Variants in WWOX observed in about 807,000 individuals in gnomAD.
The protein encoded by WWOX is WW domain-containing oxidoreductase.
Under a neutral mutation model 46.2 loss-of-function variants are expected in WWOX, and 69 were observed. The ratio of observed to expected loss-of-function variants is 1.49; its 90% CI spans 1.23 to 1.82. The LOEUF is 1.82. Among genes scored for constraint, WWOX ranks in the 40% most tolerant of loss-of-function variants. WWOX has a pLI of 0.00. For synonymous variants in WWOX, 359 were observed against 202.6 expected, an observed-to-expected ratio of 1.77 and a Z score of -6.56; for missense variants, 919 against 542.6, an observed-to-expected ratio of 1.69 and a Z score of -6.89.
At chr16:78,657,278 T>C (rs959053296) in intron 8 of WWOX, among the ~76,000 whole-genome samples, 3 of 152,170 alleles carry the variant, frequency 2.0e-5, no homozygotes, top group African/African-American at 4.8e-5. Flanking sequence ...CGCTCTTCTC[T>C]GGCTTCCACC....
At chr16:78,495,130 G>T (rs1288082352) in intron 8 of WWOX, among the ~76,000 whole-genome samples, 2 of 122,076 alleles carry the variant, frequency 1.6e-5, no homozygotes, top group Non-Finnish European at 3.5e-5. Context: ...AAGATTAGTA[G>T]TAGACTGTTG....
chr16:78,426,766 C>T (rs111550461), intron 7 of WWOX, among the ~76,000 whole-genome samples: 149 of 152,248 alleles, frequency 9.8e-4, no homozygotes, highest in African/African-American at 3.2e-3. Context: ...CAGGGTTAAG[C>T]GATTCTCCTG....
At chr16:78,488,218 C>G (rs1352725019) in intron 8 of WWOX, among the ~76,000 whole-genome samples, 1 of 152,122 alleles carries the variant, frequency 6.6e-6, no homozygotes, top group African/African-American at 2.4e-5. Flanking sequence ...AGCTCTTTAT[C>G]CTGGTACGCT....
At chr16:78,956,630 T>TATCAG (rs2046172767) in intron 8 of WWOX, among the ~76,000 whole-genome samples, 1 of 152,204 alleles carries the variant, frequency 6.6e-6, no homozygotes, top group Non-Finnish European at 1.5e-5. Flanking sequence ...TATCATATCA[T>TATCAG]ATCATACCGA....
intron 8 of WWOX, among the ~76,000 whole-genome samples, chr16:78,927,339 T>C (rs1420055457): frequency 6.6e-6 from 1 of 152,228 alleles, no homozygotes; most frequent in East Asian, 1.9e-4. Context: ...CTTAGGCAAG[T>C]CATTTAATTT....
At chr16:78,726,216 C>T (rs115220462) in intron 8 of WWOX, among the ~76,000 whole-genome samples, 35,263 of 147,914 alleles carry the variant, frequency 0.24, 4,307 homozygotes, top group South Asian at 0.37. Flanking sequence ...TTCTTTTCTT[C>T]CTTCCTTCCT....
intron 8 of WWOX, among the ~76,000 whole-genome samples, chr16:78,688,952 C>T (rs1292279321): frequency 1.3e-5 from 2 of 152,104 alleles, no homozygotes; most frequent in Non-Finnish European, 2.9e-5. Flanking sequence ...TTCCTGCTGC[C>T]GTTTGAAGAA....
intron 8 of WWOX, among the ~76,000 whole-genome samples, chr16:78,447,907 G>T (rs1597099060): frequency 6.6e-6 from 1 of 152,014 alleles, no homozygotes; most frequent in East Asian, 1.9e-4. Context: ...GGGTTTAATC[G>T]ATCCTCCTGC....
intron 8 of WWOX, among the ~76,000 whole-genome samples, chr16:78,863,447 C>G (rs148275127): frequency 1.7e-4 from 26 of 152,246 alleles, no homozygotes; most frequent in African/African-American, 6.3e-4. Flanking sequence ...TCCATTTGTA[C>G]CTGGGAAGAG....
chr16:78,115,517 CGGG>C (rs2032734337), intron 4 of WWOX, among the ~76,000 whole-genome samples: 1 of 152,120 alleles, frequency 6.6e-6, no homozygotes, highest in African/African-American at 2.4e-5. Flanking sequence ...TAATAGAATA[CGGG>C]GAACAACAAG....
chr16:78,108,281 G>C lies in WWOX; in HGVS notation c.108-142G>C. 7 of 795,900 alleles carry C rather than the reference G, an allele frequency of 8.8e-6. No individual in the cohort carries two copies. The South Asian group carries it at 1.1e-4, about 12-fold the overall frequency. The allele number at this position is 795,900 out of a possible 1,614,324, so 49.3% of individuals were successfully genotyped here. A position where few individuals can be genotyped will look rare whatever the true frequency, so the allele number is the denominator to read the frequency against. ...CCTCCTAAAGTTGACCCCGTAGCTG[G>C]GGTCACAGTCCTCTTTCTCCTTCTT... is the stretch of plus-strand genomic sequence containing the variant. On this transcript the variant is annotated intron_variant, in intron 1 of 8. Coordinates refer to ENST00000566780, the MANE Select transcript of WWOX (RefSeq NM_016373.4).
chr16:79,089,832 C>T (rs968628888), intron 8 of WWOX, among the ~76,000 whole-genome samples: 2 of 151,798 alleles, frequency 1.3e-5, no homozygotes, highest in South Asian at 2.1e-4. Context: ...CCTCGGAGTT[C>T]TGATGTGTTC....
Position 78,847,658 on chromosome 16 carries a change from T to C in WWOX, c.1057-363950T>C, listed in dbSNP as rs137937908. Among the ~76,000 whole-genome samples the C allele has an allele frequency of 6.3e-3, 953 of 152,154 alleles. 15 individuals are homozygous for C. Among genetic ancestry groups the C allele is most frequent in the African/African-American group, 0.022 (911 of 41,510 alleles). On this transcript the variant is annotated intron_variant, in intron 8 of 8. Coordinates refer to ENST00000566780, the MANE Select transcript of WWOX (RefSeq NM_016373.4). Reference sequence around the variant, plus strand: ...CACAACTGAGTTCATTATTCTGAGCTTTCTTTGGGATGTTATTTAACTCTC... The same window carrying C: ...CACAACTGAGTTCATTATTCTGAGCCTTCTTTGGGATGTTATTTAACTCTC...
At chr16:78,368,788 G>T (rs368176910) in intron 5 of WWOX, among the ~76,000 whole-genome samples, 15 of 152,188 alleles carry the variant, frequency 9.9e-5, no homozygotes, top group East Asian at 7.8e-4. Flanking sequence ...CGATTCATTT[G>T]TCCCATTGGG....
intron 8 of WWOX, among the ~76,000 whole-genome samples, chr16:79,019,462 G>A (rs938409061): frequency 1.3e-5 from 2 of 152,150 alleles, no homozygotes; most frequent in Non-Finnish European, 2.9e-5. Context: ...TCTAAACATA[G>A]AAATAGTACA....
At chr16:79,115,270 A>G (rs896776429) in intron 8 of WWOX, among the ~76,000 whole-genome samples, 1 of 152,256 alleles carries the variant, frequency 6.6e-6, no homozygotes, top group African/African-American at 2.4e-5. Context: ...ATAGGGATGC[A>G]TGTAGCCTGT....
At chr16:79,089,192 C>G (rs1333881939) in intron 8 of WWOX, among the ~76,000 whole-genome samples, 1 of 152,134 alleles carries the variant, frequency 6.6e-6, no homozygotes, top group Non-Finnish European at 1.5e-5. Flanking sequence ...GGTTTCTTGA[C>G]CTTTTATGAG....
intron 8 of WWOX, among the ~76,000 whole-genome samples, chr16:78,621,072 C>T (rs1427852758): frequency 6.6e-6 from 1 of 152,146 alleles, no homozygotes; most frequent in Non-Finnish European, 1.5e-5. Context: ...CTTCCTTTCT[C>T]TTCTCCTGCT....
intron 8 of WWOX, among the ~76,000 whole-genome samples, chr16:78,446,279 G>T (rs1204363620): frequency 6.6e-6 from 1 of 152,198 alleles, no homozygotes; most frequent in Admixed American, 6.5e-5. Context: ...AGGAAGTATG[G>T]AAAGAGCATG....
Sources: allele counts gnomAD v4.1 joint callset (sites outside exome capture counted in the v4.1 genomes callset), GRCh38; gene constraint gnomAD v4.1.1; transcripts MANE v1.5; gene names NCBI Gene and HGNC (gene_info 2026-07-23, HGNC 2026-07-21).